Variants in CTNNA3 observed in about 807,000 individuals in gnomAD.
CTNNA3 encodes catenin alpha-3.
In CTNNA3, 76 loss-of-function variants were observed where a neutral mutation model predicts 95.7. That is an observed-to-expected ratio of 0.79 (90% CI 0.66 to 0.96). The LOEUF (loss-of-function observed/expected upper bound fraction) is 0.96. Among genes scored for constraint, CTNNA3 ranks in the 40% least tolerant of loss-of-function variants. The probability of loss-of-function intolerance (pLI) is 0.00; values close to 1 mark genes in which losing one functional copy is unlikely to be tolerated. For synonymous variants in CTNNA3, 431 were observed against 374.4 expected (o/e 1.15, Z -1.74); for missense variants, 1,191 against 1,089.8 (o/e 1.09, Z -1.31).
At chr10:67,156,894 C>T (rs1219937075) in intron 7 of CTNNA3, among the ~76,000 whole-genome samples, 1 of 87,628 alleles carries the variant, frequency 1.1e-5, no homozygotes, top group African/African-American at 6.9e-5. Flanking sequence ...AGTAAAATAT[C>T]CTACTGTTAT....
intron 5 of CTNNA3, among the ~76,000 whole-genome samples, chr10:67,305,103 C>T (rs562167492): frequency 4.0e-4 from 61 of 152,132 alleles, no homozygotes; most frequent in Non-Finnish European, 2.8e-4. Context: ...AGTGAAACCC[C>T]GTCTCTACTA....
intron 1 of CTNNA3, chr10:67,751,121 A>G (rs1841404599): frequency 2.2e-6 from 3 of 1,370,278 alleles, no homozygotes; most frequent in South Asian, 1.2e-5. Flanking sequence ...TTGACTTTAC[A>G]TTGAATGATG....
intron 3 of CTNNA3, among the ~76,000 whole-genome samples, chr10:67,575,502 T>C (rs1461067820): frequency 6.6e-6 from 1 of 152,196 alleles, no homozygotes; most frequent in Non-Finnish European, 1.5e-5. Flanking sequence ...CCTCATTTTA[T>C]GACTTGGGGT....
At chr10:66,867,414 G>A (rs1427968172) in intron 7 of CTNNA3, among the ~76,000 whole-genome samples, 3 of 152,126 alleles carry the variant, frequency 2.0e-5, no homozygotes, top group African/African-American at 7.2e-5. Context: ...GCTCTTAATT[G>A]CATATTGTCC....
chr10:66,171,501 G>A (rs1392534402), intron 13 of CTNNA3, among the ~76,000 whole-genome samples: 2 of 150,786 alleles, frequency 1.3e-5, no homozygotes, highest in Admixed American at 6.6e-5. Context: ...AGCAGAGATC[G>A]CGCCACTGCA....
Position 67,232,076 on chromosome 10 carries a change from G to C in CTNNA3, c.580-12206C>G, listed in dbSNP as rs529295952. Among the ~76,000 whole-genome samples the C allele has an allele frequency of 3.1e-4, 47 of 152,134 alleles. 1 individual carries two copies. The highest frequency in any genetic ancestry group is 2.6e-3 in the Admixed American group (40 of 15,276). On this transcript the variant is annotated intron_variant, in intron 5 of 17. Transcript: ENST00000433211. The stretch of plus-strand genomic sequence containing the variant: ...TGACGGGGAGAATGGAACCAAGTTG[G>C]AAAACACTCTGCAGGATATTATCCA...
At chr10:66,243,629 G>T (rs1266397651) in intron 13 of CTNNA3, among the ~76,000 whole-genome samples, 2 of 152,114 alleles carry the variant, frequency 1.3e-5, no homozygotes, top group Non-Finnish European at 2.9e-5. Context: ...TACATGTATT[G>T]ATTGATGTTT....
intron 5 of CTNNA3, among the ~76,000 whole-genome samples, chr10:67,411,954 A>G (rs1426147794): frequency 6.6e-6 from 1 of 152,124 alleles, no homozygotes; most frequent in Non-Finnish European, 1.5e-5. Context: ...AAAAAAAAAT[A>G]AATCTGTTGA....
intron 12 of CTNNA3, among the ~76,000 whole-genome samples, chr10:66,355,776 T>C (rs2092604057): frequency 2.0e-5 from 3 of 152,050 alleles, no homozygotes; most frequent in South Asian, 2.1e-4. Flanking sequence ...TATCTAACAA[T>C]GCCAAACCAA....
chr10:66,296,229 A>C (rs917239155), intron 12 of CTNNA3, among the ~76,000 whole-genome samples: 5 of 152,164 alleles, frequency 3.3e-5, no homozygotes, highest in African/African-American at 1.2e-4. Context: ...AGGAAGAGGC[A>C]AGTAGATGAA....
chr10:67,747,985 A>G (rs1841382621), intron 1 of CTNNA3, among the ~76,000 whole-genome samples: 1 of 152,206 alleles, frequency 6.6e-6, no homozygotes, highest in Admixed American at 6.5e-5. Context: ...TGAATCAATG[A>G]AGCGGAAGAA....
At chr10:67,020,619 C>T (rs1190110284) in intron 7 of CTNNA3, among the ~76,000 whole-genome samples, 1 of 152,094 alleles carries the variant, frequency 6.6e-6, no homozygotes, top group African/African-American at 2.4e-5. Flanking sequence ...TCAAAGATTG[C>T]TTAAGGACAG....
At chr10:66,710,763 A>C (rs1848265052) in intron 9 of CTNNA3, among the ~76,000 whole-genome samples, 1 of 151,982 alleles carries the variant, frequency 6.6e-6, no homozygotes, top group Admixed American at 6.6e-5. Context: ...AAAAGTAGTA[A>C]TTTTAAATAC....
At chr10:66,291,510 T>C (rs1318458543) in intron 12 of CTNNA3, among the ~76,000 whole-genome samples, 1 of 152,128 alleles carries the variant, frequency 6.6e-6, no homozygotes, top group Non-Finnish European at 1.5e-5. Context: ...ACTACCAACA[T>C]TGTTGCTAAA....
intron 1 of CTNNA3, among the ~76,000 whole-genome samples, chr10:67,731,049 C>A (rs1300800741): frequency 6.6e-6 from 1 of 151,912 alleles, no homozygotes; most frequent in Non-Finnish European, 1.5e-5. Context: ...TTCATACTAG[C>A]AAGTCAAGAG....
At chr10:65,989,847 ACCTCT>A (rs2078503384) in intron 15 of CTNNA3, among the ~76,000 whole-genome samples, 1 of 151,898 alleles carries the variant, frequency 6.6e-6, no homozygotes, top group South Asian at 2.1e-4. Flanking sequence ...CCATTAACCA[ACCTCT>A]CTTATCCCCC....
At chr10:66,487,519 G>A (rs890229993) in intron 11 of CTNNA3, among the ~76,000 whole-genome samples, 1 of 151,818 alleles carries the variant, frequency 6.6e-6, no homozygotes, top group African/African-American at 2.4e-5. Context: ...GAGCCACTGT[G>A]CCCGGCCTAA....
intron 13 of CTNNA3, among the ~76,000 whole-genome samples, chr10:66,109,326 C>T (rs2082029464): frequency 6.6e-6 from 1 of 152,162 alleles, no homozygotes; most frequent in Non-Finnish European, 1.5e-5. Context: ...AAGTGTTTCT[C>T]AGTCTTAGCA....
chr10:66,530,981 A>G (rs1841447086), intron 10 of CTNNA3, among the ~76,000 whole-genome samples: 1 of 152,164 alleles, frequency 6.6e-6, no homozygotes, highest in Admixed American at 6.5e-5. Flanking sequence ...AGTTCAACCT[A>G]GGACTATTTC....
Sources: gnomAD v4.1 joint callset for allele counts (sites outside exome capture counted in the v4.1 genomes callset) on GRCh38, gnomAD v4.1.1 for gene constraint, MANE v1.5 for transcripts, NCBI Gene and HGNC (gene_info 2026-07-23, HGNC 2026-07-21) for gene names.